The following BMPR1B variants were observed in gnomAD, a reference collection of about 807,000 sequenced individuals.
BMPR1B encodes bone morphogenetic protein receptor type-1B.
Under a neutral mutation model 59.1 loss-of-function variants are expected in BMPR1B, and 12 were observed. The ratio of observed to expected loss-of-function variants is 0.20; its 90% CI spans 0.13 to 0.33. BMPR1B has a LOEUF of 0.33. BMPR1B is among the 10% of genes least tolerant of loss of function. The pLI is 1.00. For synonymous variants in BMPR1B, 237 were observed against 207.3 expected (o/e 1.14, Z -1.23); for missense variants, 550 against 610.9 (o/e 0.90, Z 1.05).
At chr4:95,111,953 A>G (rs1489475587) in intron 4 of BMPR1B, among the ~76,000 whole-genome samples, 1 of 152,106 alleles carries the variant, frequency 6.6e-6, no homozygotes, top group Non-Finnish European at 1.5e-5. Flanking sequence ...CAGTCTTTAA[A>G]TTCTCAAGTG....
intron 2 of BMPR1B, among the ~76,000 whole-genome samples, chr4:94,985,392 G>C (rs1721333260): frequency 6.6e-6 from 1 of 152,156 alleles, no homozygotes; most frequent in Non-Finnish European, 1.5e-5. Flanking sequence ...AGAATCTCGA[G>C]TAGATAGTAA....
At chr4:95,039,360 C>G (rs1477216982) in intron 3 of BMPR1B, among the ~76,000 whole-genome samples, 1 of 151,008 alleles carries the variant, frequency 6.6e-6, no homozygotes, top group East Asian at 1.9e-4. Context: ...AGTCTGGTGT[C>G]TCTGTGCTGT....
chr4:95,056,851 ATACTGTTTTC>A, intron 3 of BMPR1B, among the ~76,000 whole-genome samples: 1 of 152,338 alleles, frequency 6.6e-6, no homozygotes, highest in Middle Eastern at 3.4e-3. Flanking sequence ...TACTTCACAT[ATACTGTTTTC>A]ACAGTCTGGA....
At chr4:95,008,326 T>G (rs1046819243) in intron 3 of BMPR1B, among the ~76,000 whole-genome samples, 1 of 152,188 alleles carries the variant, frequency 6.6e-6, no homozygotes, top group Non-Finnish European at 1.5e-5. Context: ...TCTACTTTCC[T>G]TCTCTCTCCA....
chr4:94,860,290 AAACC>A (rs1358089528), intron 1 of BMPR1B, among the ~76,000 whole-genome samples: 1 of 152,208 alleles, frequency 6.6e-6, no homozygotes, highest in Admixed American at 6.5e-5. Flanking sequence ...TGAAGAGCAA[AAACC>A]GAGTATTTAG....
intron 3 of BMPR1B, among the ~76,000 whole-genome samples, chr4:95,070,354 A>C (rs1187912627): frequency 6.6e-6 from 1 of 152,178 alleles, no homozygotes; most frequent in African/African-American, 2.4e-5. Flanking sequence ...TAGCGAATAT[A>C]AGAGCAGAAG....
chr4:94,851,726 T>A (rs1725573926), intron 1 of BMPR1B, among the ~76,000 whole-genome samples: 1 of 152,142 alleles, frequency 6.6e-6, no homozygotes, highest in Non-Finnish European at 1.5e-5. Context: ...ATTTATATAT[T>A]TATGCAAACA....
At chr4:94,796,111 T>C (rs1489023350) in intron 1 of BMPR1B, among the ~76,000 whole-genome samples, 2 of 151,984 alleles carry the variant, frequency 1.3e-5, no homozygotes, top group Non-Finnish European at 2.9e-5. Flanking sequence ...ATTACAGGTA[T>C]GCCGCACCAT....
chr4:95,149,072 G>A lies in BMPR1B; in HGVS notation c.1252+149G>A. On this transcript the variant is annotated intron_variant, in intron 11 of 12. Transcript: ENST00000515059. Reference sequence around the variant, plus strand: ...GTTGATGCAGTCATAGTGCTTCCAGGAAATTATATTCGACATCCTAGAATA... The same window carrying A: ...GTTGATGCAGTCATAGTGCTTCCAGAAAATTATATTCGACATCCTAGAATA... The A allele has an allele frequency of 1.1e-5, 11 of 1,037,582 alleles. No individual in the cohort carries two copies. The South Asian group carries it at 1.5e-4, about 14-fold the overall frequency. 64.3% of individuals were successfully genotyped at this position (1,037,582 alleles called of 1,614,324 possible).
chr4:94,804,444 C>T lies in BMPR1B; in HGVS notation c.-183+46376C>T, dbSNP rs532535747. 2.0e-5 allele frequency among the ~76,000 whole-genome samples: 3 copies of T among 152,232 alleles called. No homozygotes were observed. In the South Asian group the frequency reaches 6.2e-4, roughly 32 times the overall value. On this transcript the variant is annotated intron_variant, in intron 1 of 12. Coordinates refer to ENST00000515059, the MANE Select transcript of BMPR1B (RefSeq NM_001203.3). Reference sequence around the variant, plus strand: ...AGCTTGTAAAAAAATTGTTAAATATCTATTGATTTCTAATAGAAAATAGTT... The same window carrying T: ...AGCTTGTAAAAAAATTGTTAAATATTTATTGATTTCTAATAGAAAATAGTT...
At chr4:94,941,933 A>G (rs1025623751) in intron 2 of BMPR1B, among the ~76,000 whole-genome samples, 4 of 152,208 alleles carry the variant, frequency 2.6e-5, no homozygotes, top group Non-Finnish European at 4.4e-5. Flanking sequence ...ATTTCAAATG[A>G]TTTAGAATGT....
intron 3 of BMPR1B, among the ~76,000 whole-genome samples, chr4:95,093,359 TAA>T (rs1730133703): frequency 6.6e-6 from 1 of 151,704 alleles, no homozygotes; most frequent in South Asian, 2.1e-4. Flanking sequence ...GTTTTAAATT[TAA>T]AGAGTGTAAT....
chr4:94,944,273 A>G (rs1729624269), intron 2 of BMPR1B, among the ~76,000 whole-genome samples: 1 of 152,186 alleles, frequency 6.6e-6, no homozygotes, highest in Admixed American at 6.5e-5. Context: ...TAATATTTAC[A>G]TATTCTTAAG....
rs572109509 is a variant in BMPR1B at position 94,841,117 on chromosome 4, C to T, written c.-182-34714C>T. Among the ~76,000 whole-genome samples the T allele has an allele frequency of 5.4e-5, 8 of 148,786 alleles. No homozygotes were observed. In the East Asian group the frequency reaches 5.8e-4, roughly 11 times the overall value. On this transcript the variant is annotated intron_variant, in intron 1 of 12. Transcript: ENST00000515059. ...GACCCACTTGAGGAGGCAGTCTGCC[C>T]GTTCTCAGATCTCCAGCTGCGTGCT... is the stretch of plus-strand genomic sequence containing the variant.
At chr4:94,794,324 G>C (rs1188184757) in intron 1 of BMPR1B, among the ~76,000 whole-genome samples, 2 of 151,688 alleles carry the variant, frequency 1.3e-5, no homozygotes, top group Non-Finnish European at 2.9e-5. Context: ...AGATCAGATA[G>C]CTGCAGATAT....
chr4:94,975,667 A>G lies in BMPR1B; in HGVS notation c.-112-20373A>G, dbSNP rs1219915062. The stretch of plus-strand genomic sequence containing the variant: ...AGTGCTAGGACTACAGGCATGAGCC[A>G]ATTTGTTTTTTAAAATATCATGGTA... On this transcript the variant is annotated intron_variant, in intron 2 of 12. Transcript: ENST00000515059. 4.6e-5 allele frequency among the ~76,000 whole-genome samples: 7 copies of G among 152,106 alleles called. No homozygotes were observed. In the South Asian group the frequency reaches 1.4e-3, roughly 31 times the overall value.
intron 3 of BMPR1B, among the ~76,000 whole-genome samples, chr4:95,026,446 A>G (rs1377763616): frequency 2.0e-5 from 3 of 151,948 alleles, no homozygotes; most frequent in Middle Eastern, 3.2e-3. Flanking sequence ...CGATTATTTT[A>G]TATTATACAT....
At chr4:94,890,403 C>T (rs1348675748) in intron 2 of BMPR1B, among the ~76,000 whole-genome samples, 1 of 151,984 alleles carries the variant, frequency 6.6e-6, no homozygotes, top group Non-Finnish European at 1.5e-5. Flanking sequence ...GAACAATTGG[C>T]AATTGAAGAA....
chr4:95,137,259 C>G (rs2149310479), intron 10 of BMPR1B, among the ~76,000 whole-genome samples: 1 of 152,298 alleles, frequency 6.6e-6, no homozygotes, highest in South Asian at 2.1e-4. Context: ...TTTGATTGCA[C>G]TGTGGTCTGA....
Sources: allele counts gnomAD v4.1 joint callset (sites outside exome capture counted in the v4.1 genomes callset), GRCh38; gene constraint gnomAD v4.1.1; transcripts MANE v1.5; gene names NCBI Gene and HGNC (gene_info 2026-07-23, HGNC 2026-07-21).